Variants in CAPN9 observed in about 807,000 individuals in gnomAD.
The protein encoded by CAPN9 is calpain 9, also known as calpain-9.
Under a neutral mutation model 92.8 loss-of-function variants are expected in CAPN9, and 81 were observed. That is an observed-to-expected ratio of 0.87 (90% CI 0.73 to 1.05). The LOEUF (loss-of-function observed/expected upper bound fraction) is 1.05, where lower values mean the gene tolerates loss of function less well. Ranked by LOEUF, CAPN9 falls within the 50% of genes least tolerant of loss-of-function variation. The probability of loss-of-function intolerance (pLI) is 0.00; values close to 1 mark genes in which losing one functional copy is unlikely to be tolerated. For synonymous variants in CAPN9, 304 were observed against 328.0 expected, an observed-to-expected ratio of 0.93 and a Z score of 0.79; for missense variants, 848 against 866.2, an observed-to-expected ratio of 0.98 and a Z score of 0.26.
At chr1:230,769,443 T>G (rs1362058271) in intron 6 of CAPN9, among the ~76,000 whole-genome samples, 180 bp downstream of exon 6, 1 of 152,238 alleles carries the variant, frequency 6.6e-6, no homozygotes, top group African/African-American at 2.4e-5. Context: ...AGAAACCATG[T>G]GATTCCACCG....
Position 230,759,547 on chromosome 1 carries a change from AC to A in CAPN9, c.320del (p.Thr107SerfsTer39). 1 of 1,611,958 alleles carries A rather than the reference AC, an allele frequency of 6.2e-7. No individual in the cohort carries two copies. The highest frequency in any genetic ancestry group is 1.1e-5 in the South Asian group (1 of 90,352). ...CWLLAAIASLTLNQKALARVI... is the reference protein window; with the variant it reads ...CWLLAAIASLXLNQKALARVI... Reference sequence around the variant, plus strand: ...GCTATTAGCCGCCATCGCCTCCCTTACGCTTAATCAAAAAGCACTGGCCAGA... The same window carrying A: ...GCTATTAGCCGCCATCGCCTCCCTTAGCTTAATCAAAAAGCACTGGCCAGA... On this transcript the variant is annotated frameshift_variant, in exon 3 of 20. Transcript: ENST00000271971. LOFTEE classifies it high-confidence loss of function.
intron 14 of CAPN9, among the ~76,000 whole-genome samples, chr1:230,790,611 A>G (rs1383276984): frequency 6.9e-6 from 1 of 144,280 alleles, no homozygotes; most frequent in Non-Finnish European, 1.5e-5. Flanking sequence ...TACTTTCTCT[A>G]TAGATTCTAT....
At chr1:230,750,670 G>A (rs1478043895) in intron 1 of CAPN9, among the ~76,000 whole-genome samples, 3 of 152,176 alleles carry the variant, frequency 2.0e-5, no homozygotes, top group African/African-American at 4.8e-5. Flanking sequence ...CCGTGGGACC[G>A]TGGGGCTGGA....
intron 5 of CAPN9, among the ~76,000 whole-genome samples, chr1:230,767,954 G>A (rs1666097750): frequency 6.7e-6 from 1 of 149,286 alleles, no homozygotes; most frequent in Non-Finnish European, 1.5e-5. Flanking sequence ...CATGGCACAG[G>A]TATACATATG....
chr1:230,780,871 A>ATT (rs140820012), intron 11 of CAPN9, among the ~76,000 whole-genome samples, 163 bp downstream of exon 11: 8 of 148,330 alleles, frequency 5.4e-5, no homozygotes, highest in African/African-American at 7.4e-5. Flanking sequence ...TTTATTATTA[A>ATT]TTTTTTTTTT....
intron 13 of CAPN9, among the ~76,000 whole-genome samples, chr1:230,789,542 C>T (rs1667842355): frequency 6.7e-6 from 1 of 148,660 alleles, no homozygotes; most frequent in South Asian, 2.1e-4. Flanking sequence ...CCATTTCTAA[C>T]CAGCTTCTGG....
In CAPN9 at chr1:230,759,554, A is replaced by G; in HGVS notation, c.326A>G (p.Asn109Ser). Residue 109 changes from asparagine to serine, a missense_variant, in exon 3 of 20, where the codon AAT becomes AGT. Coordinates refer to ENST00000271971, the MANE Select transcript of CAPN9 (RefSeq NM_006615.3). ...GCCGCCATCGCCTCCCTTACGCTTA[A>G]TCAAAAAGCACTGGCCAGAGTCATC... ...LLAAIASLTL[N>S]QKALARVIPQ... is the part of the protein sequence containing the mutation. 1 of 1,611,948 alleles carries G rather than the reference A, an allele frequency of 6.2e-7. No homozygotes were observed.
intron 15 of CAPN9, 39 bp downstream of exon 15, chr1:230,791,967 C>T (rs772297395): frequency 6.8e-7 from 1 of 1,461,672 alleles, no homozygotes. Flanking sequence ...AGACATGGAT[C>T]CTGGGCTTTA....
intron 11 of CAPN9, among the ~76,000 whole-genome samples, chr1:230,781,300 T>TGAG (rs1667211077): frequency 6.6e-6 from 1 of 152,224 alleles, no homozygotes; most frequent in South Asian, 2.1e-4. Flanking sequence ...CACAAGACAT[T>TGAG]CTTGGGTGGA....
chr1:230,771,393 G>C (rs1185574378), intron 6 of CAPN9, among the ~76,000 whole-genome samples: 1 of 152,250 alleles, frequency 6.6e-6, no homozygotes, highest in Admixed American at 6.5e-5. Flanking sequence ...CCCAGGCAGA[G>C]CCTGAGGGCA....
intron 1 of CAPN9, among the ~76,000 whole-genome samples, chr1:230,751,675 GA>G: frequency 7.2e-6 from 1 of 139,102 alleles, no homozygotes; most frequent in African/African-American, 2.7e-5. Context: ...AAGAAAGAAA[GA>G]AAGAAAGAAG....
chr1:230,780,841 G>C, intron 11 of CAPN9, 133 bp downstream of exon 11: 1 of 584,414 alleles, frequency 1.7e-6, no homozygotes, highest in East Asian at 2.9e-5. Context: ...AAGGCAGGAT[G>C]GTTTCTTTCT....
In CAPN9 at chr1:230,780,635, C is replaced by G; in HGVS notation, c.1408C>G (p.Pro470Ala). The G allele has an allele frequency of 6.2e-7, 1 of 1,614,178 alleles. No individual in the cohort carries two copies. The highest frequency in any genetic ancestry group is 8.5e-7 in the Non-Finnish European group (1 of 1,180,014). ...GCCCCCTGGGGAGTACATCCTGATT[C>G]CCAGCACTTTTGAGCCCCACCAGGA... ...KLPPGEYILI[P>A]STFEPHQEAD... The change falls in exon 11 of 20, where the codon CCC becomes GCC. Residue 470 changes from proline to alanine, a missense_variant. Coordinates refer to ENST00000271971, the MANE Select transcript of CAPN9 (RefSeq NM_006615.3).
intron 19 of CAPN9, among the ~76,000 whole-genome samples, chr1:230,801,146 C>G (rs955383691): frequency 3.9e-5 from 6 of 152,134 alleles, no homozygotes; most frequent in Admixed American, 2.0e-4. Context: ...TGTAACACCC[C>G]CCAGCTATGG....
intron 1 of CAPN9, 94 bp from the exon 2 acceptor site, chr1:230,755,243 C>G (rs1665148501): frequency 1.0e-6 from 1 of 993,332 alleles, no homozygotes. Context: ...GGAAAGCCCT[C>G]TGCCCCAAGA....
chr1:230,775,834 G>A (rs981092711), intron 8 of CAPN9, among the ~76,000 whole-genome samples: 9 of 151,108 alleles, frequency 6.0e-5, no homozygotes, highest in African/African-American at 9.8e-5. Flanking sequence ...GGAGAATGGC[G>A]TGAACCCAGG....
chr1:230,759,768 G>A (rs1472030859), intron 3 of CAPN9, 138 bp downstream of exon 3: 4 of 502,284 alleles, frequency 8.0e-6, no homozygotes, highest in Non-Finnish European at 1.4e-5. Context: ...CCATGCTAAA[G>A]CCACATTTTA....
In CAPN9 at chr1:230,773,856, G is replaced by A. The variant is rs146052988; in HGVS notation, c.876-698G>A. On this transcript the variant is annotated intron_variant, in intron 7 of 19. Transcript: ENST00000271971. The stretch of plus-strand genomic sequence containing the variant: ...ACGTTGGCTGTAGCACCGCAACAGT[G>A]GTGACCTACTTTGAACTATTTGGAG... Among the ~76,000 whole-genome samples the A allele has an allele frequency of 3.3e-5, 5 of 152,272 alleles. No homozygotes were observed. In the East Asian group the frequency reaches 9.7e-4, roughly 29 times the overall value.
chr1:230,775,458 T>C (rs1343066056), intron 8 of CAPN9, among the ~76,000 whole-genome samples: 4 of 152,218 alleles, frequency 2.6e-5, no homozygotes, highest in Non-Finnish European at 5.9e-5. Context: ...GTATTGGGCC[T>C]TCATCTCTAG....
Sources: gnomAD v4.1 joint callset for allele counts (sites outside exome capture counted in the v4.1 genomes callset) on GRCh38, gnomAD v4.1.1 for gene constraint, MANE v1.5 for transcripts, NCBI Gene and HGNC (gene_info 2026-07-23, HGNC 2026-07-21) for gene names.